Variants in IRF6 observed in about 807,000 individuals in gnomAD.
IRF6 encodes interferon regulatory factor 6, also known as Van der Woude syndrome.
In IRF6, 6 loss-of-function variants were observed where a neutral mutation model predicts 51.4. That is an observed-to-expected ratio of 0.12 (90% CI 0.06 to 0.23). The LOEUF (loss-of-function observed/expected upper bound fraction) is 0.23, where lower values mean the gene tolerates loss of function less well. Among genes scored for constraint, IRF6 ranks in the 10% least tolerant of loss-of-function variants. The probability of loss-of-function intolerance (pLI) is 1.00; values close to 1 mark genes in which losing one functional copy is unlikely to be tolerated. For synonymous variants in IRF6, 178 were observed against 215.7 expected (o/e 0.83, Z 1.53); for missense variants, 348 against 585.2 (o/e 0.59, Z 4.18).
chr1:209,790,626 G>A lies in IRF6; in HGVS notation c.929C>T (p.Ala310Val). The A allele has an allele frequency of 1.2e-6, 2 of 1,614,218 alleles. No individual in the cohort carries two copies. The highest frequency in any genetic ancestry group is 1.3e-5 in the African/African-American group (1 of 75,058). The change falls in exon 7 of 9, where the codon GCC becomes GTC. Residue 310 changes from alanine to valine, a missense_variant. Ala to Val is a moderately conservative substitution (Grantham distance 64, BLOSUM62 0). Around this residue, in one of 5 missense-constraint regions of IRF6, gnomAD observed 125 missense variants for 222.0 expected, o/e 0.56. Coordinates refer to ENST00000367021, the MANE Select transcript of IRF6 (RefSeq NM_006147.4). The surrounding 1 kb of genome is among the most constrained non-coding windows in gnomAD (Gnocchi z 4.8). ...RGLILEVSGH[A>V]IYAIRLCQCK... Reference sequence around the variant, plus strand: ...CTGGCACAGCCTGATGGCATAAATGGCATGACCGCTGACCTCCAGGATCAG... The same window carrying A: ...CTGGCACAGCCTGATGGCATAAATGACATGACCGCTGACCTCCAGGATCAG...
chr1:209,797,590 C>T (rs747713900), intron 3 of IRF6, among the ~76,000 whole-genome samples: 11 of 152,218 alleles, frequency 7.2e-5, no homozygotes, highest in Admixed American at 2.6e-4. Context: ...AAAACCACTT[C>T]GACTCCTTCT....
At chr1:209,795,798 C>A (rs2077897684) in intron 4 of IRF6, among the ~76,000 whole-genome samples, 1 of 151,892 alleles carries the variant, frequency 6.6e-6, no homozygotes, top group Admixed American at 6.6e-5. Flanking sequence ...TCACTATATA[C>A]CCAACGAATA....
intron 2 of IRF6, 84 bp from the exon 3 acceptor site, chr1:209,801,500 A>G (rs1455247978): frequency 1.9e-6 from 2 of 1,069,648 alleles, no homozygotes; most frequent in Non-Finnish European, 2.7e-6. Context: ...TTTCCCATCT[A>G]CTAGAGCTAC....
Position 209,801,176 on chromosome 1 carries a change from C to T in IRF6, c.174+64G>A, listed in dbSNP as rs1053437419. Reference sequence around the variant, plus strand: ...CCAGAGTTTTAGATCTAGTGTATTCCCCATGCCAAAAAAAAAAAAAAAAAA... The same window carrying T: ...CCAGAGTTTTAGATCTAGTGTATTCTCCATGCCAAAAAAAAAAAAAAAAAA... On this transcript the variant is annotated intron_variant, in intron 3 of 8. Coordinates refer to ENST00000367021, the MANE Select transcript of IRF6 (RefSeq NM_006147.4). 2.0e-5 allele frequency: 26 copies of T among 1,332,580 alleles called. No homozygotes were observed. In the Admixed American group the frequency reaches 4.4e-4, roughly 23 times the overall value. 82.5% of individuals were successfully genotyped at this position (1,332,580 alleles called of 1,614,324 possible).
In IRF6 at chr1:209,790,874, G is replaced by C. The variant is rs2077865236; in HGVS notation, c.681C>G (p.Asp227Glu). 2 of 1,612,434 alleles carry C rather than the reference G, an allele frequency of 1.2e-6. No homozygotes were observed. Among genetic ancestry groups the C allele is most frequent in the Admixed American group, 3.3e-5 (2 of 60,006 alleles). ...WISSLPMTDL[D>E]IKFQYRGKEY... The stretch of plus-strand genomic sequence containing the variant: ...CCTTCCCACGGTACTGAAACTTGAT[G>C]TCCAGGTCAGTCACTGCAAGGTTAG... The change falls in exon 7 of 9, where the codon GAC (aspartate) becomes GAG (glutamate). Residue 227 changes from aspartate to glutamate, a missense_variant. Coordinates refer to ENST00000367021, the MANE Select transcript of IRF6 (RefSeq NM_006147.4). This position sits in a 1 kb window ranked among gnomAD's most constrained non-coding sequence, Gnocchi z 4.8.
rs114806282 is a variant in IRF6 at position 209,791,106 on chromosome 1, A to G, written c.668-219T>C. 1.5e-3 allele frequency: 1,444 copies of G among 952,978 alleles called. 23 individuals are homozygous for G. The African/African-American group carries it at 0.024, about 16-fold the overall frequency. 59.0% of individuals were successfully genotyped at this position (952,978 alleles called of 1,614,324 possible). ...AAGCAAACAGTTCAAAGTCCATCTC[A>G]ACTATTTCTGTTCAATCACCACACC... On this transcript the variant is annotated intron_variant, in intron 6 of 8. Transcript: ENST00000367021.
In IRF6 at chr1:209,787,805, T is replaced by C. The variant is rs1229196886; in HGVS notation, c.*615A>G. ...CCCATTTCTATTTAGATATCAAGCA[T>C]AGTTTCTAAGCAACCAGCCAGCCAG... On this transcript the variant is annotated 3_prime_UTR_variant, in exon 9 of 9. Coordinates refer to ENST00000367021, the MANE Select transcript of IRF6 (RefSeq NM_006147.4). 1 of 152,890 alleles carries C rather than the reference T, an allele frequency of 6.5e-6. No individual in the cohort carries two copies. The highest frequency in any genetic ancestry group is 2.4e-5 in the African/African-American group (1 of 41,438). The allele number at this position is 152,890 out of a possible 1,614,324, so 9.5% of individuals were successfully genotyped here. A position where few individuals can be genotyped will look rare whatever the true frequency, so the allele number is the denominator to read the frequency against.
chr1:209,797,702 AC>A (rs2077911819), intron 3 of IRF6, among the ~76,000 whole-genome samples: 1 of 152,186 alleles, frequency 6.6e-6, no homozygotes, highest in Non-Finnish European at 1.5e-5. Context: ...CAAGTCATAG[AC>A]CAAGGTGCTC....
intron 3 of IRF6, 132 bp downstream of exon 3, chr1:209,801,108 G>T: frequency 1.3e-6 from 1 of 772,644 alleles, no homozygotes; most frequent in Non-Finnish European, 2.1e-6. Context: ...TACTATGCCT[G>T]CTGAGTTTGG....
intron 8 of IRF6, 60 bp downstream of exon 8, chr1:209,789,607 C>T: frequency 8.1e-7 from 1 of 1,234,604 alleles, no homozygotes; most frequent in South Asian, 1.2e-5. Context: ...CAACCCAGAC[C>T]TGGGGGCTTA....
rs926346 is a variant in IRF6 at position 209,788,859 on chromosome 1, A to T, written c.1180-215T>A. Among the ~76,000 whole-genome samples the T allele has an allele frequency of 0.17, 25,893 of 152,182 alleles. 2,379 individuals carry two copies. The highest frequency in any genetic ancestry group is 0.23 in the African/African-American group (9,349 of 41,514). On this transcript the variant is annotated intron_variant, in intron 8 of 8. Coordinates refer to ENST00000367021, the MANE Select transcript of IRF6 (RefSeq NM_006147.4). ...AATGAAGGTAAAGAACCTAGATGTA[A>T]CATTACATCACAGGCCTAAATAAAT...
intron 5 of IRF6, among the ~76,000 whole-genome samples, chr1:209,793,814 CGTA>C (rs1465324582): frequency 6.6e-6 from 1 of 152,088 alleles, no homozygotes; most frequent in African/African-American, 2.4e-5. Flanking sequence ...AGTGGGAACA[CGTA>C]GTATTTGGTT....
rs2077831034 is a variant in IRF6, at chr1:209,785,988, C to T, written c.*2432G>A. The T allele has an allele frequency of 1.3e-5, 2 of 152,194 alleles. No individual in the cohort carries two copies. Among genetic ancestry groups the T allele is most frequent in the Admixed American group, 1.3e-4 (2 of 15,282 alleles). 9.4% of individuals were successfully genotyped at this position (152,194 alleles called of 1,614,324 possible). A position where few individuals can be genotyped will look rare whatever the true frequency, so the allele number is the denominator to read the frequency against. ...TAGGTTCTTTTTAACTTGAACTAATCTTGTTTGGTGGGGTACACAGTGAGG... is the reference window on the plus strand; with the variant it reads ...TAGGTTCTTTTTAACTTGAACTAATTTTGTTTGGTGGGGTACACAGTGAGG... On this transcript the variant is annotated 3_prime_UTR_variant, in exon 9 of 9. Transcript: ENST00000367021.
Position 209,792,348 on chromosome 1 carries a change from T to C in IRF6, c.588A>G (p.Glu196=), listed in dbSNP as rs1370873207. 6.2e-7 allele frequency: 1 copy of C among 1,614,030 alleles called. No homozygotes were observed. The highest frequency in any genetic ancestry group is 1.3e-5 in the African/African-American group (1 of 74,896). ...CCTGGGGTACTTCCATCTCCAGGGG[T>C]TCAGTTTTGGGCCACACTGCCTCCG... is the stretch of plus-strand genomic sequence containing the variant. ...CSPEAVWPKT[E]PLEMEVPQAP... The change falls in exon 6 of 9, where the codon GAA becomes GAG. Residue 196 remains glutamate, a synonymous_variant. Coordinates refer to ENST00000367021, the MANE Select transcript of IRF6 (RefSeq NM_006147.4).
chr1:209,793,078 G>C (rs2077879048), intron 5 of IRF6: 1 of 151,104 alleles, frequency 6.6e-6, no homozygotes, highest in African/African-American at 2.4e-5. Context: ...GTATTTCCCT[G>C]CTACTGTCAA....
rs2235371 is a variant in IRF6, at chr1:209,790,735, C to T, written c.820G>A (p.Val274Ile). The change falls in exon 7 of 9, where the codon GTC becomes ATC. Residue 274 changes from valine to isoleucine, a missense_variant. Physicochemically the swap from Val to Ile is conservative, Grantham distance 29 (BLOSUM62 3). Coordinates refer to ENST00000367021, the MANE Select transcript of IRF6 (RefSeq NM_006147.4). The surrounding 1 kb of genome is among the most constrained non-coding windows in gnomAD (Gnocchi z 4.8). ...ELFGPVSLEQ[V>I]KFPGPEHITN... ...ATATGCTCAGGACCTGGGAATTTGA[C>T]CTGCTCCAGGCTGACGGGACCAAAG... is the stretch of plus-strand genomic sequence containing the variant. The T allele has an allele frequency of 0.037, 59,670 of 1,614,178 alleles. 6,385 individuals carry two copies. The East Asian group carries it at 0.41, about 11-fold the overall frequency.
chr1:209,790,532 C>A lies in IRF6; in HGVS notation c.1023G>T (p.Lys341Asn). The change falls in exon 7 of 9, where the codon AAG becomes AAT. Residue 341 changes from lysine to asparagine, a missense_variant. Lys to Asn is a moderately conservative substitution (Grantham distance 94). This residue lies in a region of IRF6 where 125 missense variants were observed against 222.0 expected (regional missense o/e 0.56). Coordinates refer to ENST00000367021, the MANE Select transcript of IRF6 (RefSeq NM_006147.4). This position sits in a 1 kb window ranked among gnomAD's most constrained non-coding sequence, Gnocchi z 4.8. ...LVAPNLIERQ[K>N]KVKLFCLETF... ...TTTCCAGACAAAATAGCTTGACCTTCTTTTGTCTCTCAATCAGGTTGGGAG... is the reference window on the plus strand; with the variant it reads ...TTTCCAGACAAAATAGCTTGACCTTATTTTGTCTCTCAATCAGGTTGGGAG... The A allele has an allele frequency of 6.2e-7, 1 of 1,614,228 alleles. No individual in the cohort carries two copies. Among genetic ancestry groups the A allele is most frequent in the East Asian group, 2.2e-5 (1 of 44,888 alleles).
chr1:209,801,349 A>C lies in IRF6; in HGVS notation c.65T>G (p.Leu22Arg). ...PWLVAQVDSGLYPGLIWLHRD... is the reference protein window; with the variant it reads ...PWLVAQVDSGRYPGLIWLHRD... The stretch of plus-strand genomic sequence containing the variant: ...GTGTAGCCAGATGAGCCCAGGGTAG[A>C]GGCCACTATCCACCTGGGCCACCAG... The change falls in exon 3 of 9, where the codon CTC (leucine) becomes CGC (arginine). Residue 22 changes from leucine (L) to arginine (R), a missense_variant. Leu to Arg is a moderately radical substitution (Grantham distance 102). Transcript: ENST00000367021. 1 of 1,613,850 alleles carries C rather than the reference A, an allele frequency of 6.2e-7. No individual in the cohort carries two copies. The highest frequency in any genetic ancestry group is 8.5e-7 in the Non-Finnish European group (1 of 1,179,926).
Position 209,788,398 on chromosome 1 carries a change from A to G in IRF6, c.*22T>C, listed in dbSNP as rs2077846996. The G allele has an allele frequency of 2.8e-6, 4 of 1,444,690 alleles. No individual in the cohort carries two copies. Among genetic ancestry groups the G allele is most frequent in the Non-Finnish European group, 3.9e-6 (4 of 1,027,610 alleles). The allele number at this position is 1,444,690 out of a possible 1,614,324, so 89.5% of individuals were successfully genotyped here. A position where few individuals can be genotyped will look rare whatever the true frequency, so the allele number is the denominator to read the frequency against. On this transcript the variant is annotated 3_prime_UTR_variant, in exon 9 of 9. Transcript: ENST00000367021. ...TATGTACAATATTATAAAAAAGAGAAGGAAGAAGATGGCATTCACAATTAC... is the reference window on the plus strand; with the variant it reads ...TATGTACAATATTATAAAAAAGAGAGGGAAGAAGATGGCATTCACAATTAC...
Sources: gnomAD v4.1 joint callset for allele counts (sites outside exome capture counted in the v4.1 genomes callset) on GRCh38, gnomAD v4.1.1 for gene constraint, gnomAD v4.1.1 regional missense constraint, Gnocchi (gnomAD v3.1) non-coding constraint, MANE v1.5 for transcripts, NCBI Gene and HGNC (gene_info 2026-07-23, HGNC 2026-07-21) for gene names.